SLC36A1: variants seen among roughly 807,000 people sequenced by gnomAD.
SLC36A1 encodes the protein proton-coupled amino acid transporter 1.
In SLC36A1, 30 loss-of-function variants were observed where a neutral mutation model predicts 47.5. The ratio of observed to expected loss-of-function variants is 0.63; its 90% confidence interval spans 0.47 to 0.86. The LOEUF (loss-of-function observed/expected upper bound fraction) is 0.86, where lower values mean the gene tolerates loss of function less well. SLC36A1 is among the 40% of genes least tolerant of loss of function. SLC36A1 has a pLI of 0.00. For missense variants in SLC36A1, 517 were observed against 606.0 expected, an observed-to-expected ratio of 0.85 and a Z score of 1.54; for synonymous variants, 255 against 249.7, an observed-to-expected ratio of 1.02 and a Z score of -0.20.
chr5:151,462,873 T>A (rs1581123869), intron 2 of SLC36A1, among the ~76,000 whole-genome samples: 2 of 151,668 alleles, frequency 1.3e-5, no homozygotes, highest in South Asian at 4.2e-4. Context: ...AGTTTTGGGA[T>A]CTGAGTCTTT....
At chr5:151,439,117 GGAGAGA>G (rs10593815) in intron 1 of SLC36A1, among the ~76,000 whole-genome samples, 3 of 150,236 alleles carry the variant, frequency 2.0e-5, no homozygotes, top group South Asian at 2.1e-4. Context: ...CATGGCAGCA[GGAGAGA>G]GAGAGAGAGA....
At chr5:151,545,093 A>T in the SLC36A1 span, 4 of 1,614,154 alleles carry the variant, frequency 2.5e-6, 1 homozygote, top group Admixed American at 6.7e-5. Flanking sequence ...ACCATATGAA[A>T]CATATCTGTG....
At chr5:151,380,892 C>T in the SLC36A1 span, 10 of 422,394 alleles carry the variant, frequency 2.4e-5, no homozygotes, top group Admixed American at 9.4e-5. Flanking sequence ...GTCCAAGGGA[C>T]GGGGCTGCAC....
chr5:151,537,910 G>A, the SLC36A1 span: 5 of 1,614,146 alleles, frequency 3.1e-6, no homozygotes, highest in South Asian at 1.1e-5. Context: ...AAGTGTCCTG[G>A]AAATACATCT....
the SLC36A1 span, among the ~76,000 whole-genome samples, chr5:151,431,504 C>A: frequency 6.6e-6 from 1 of 152,078 alleles, no homozygotes; most frequent in African/African-American, 2.4e-5. Context: ...TGGTTGTGCC[C>A]CCACCCAAAT....
the SLC36A1 span, among the ~76,000 whole-genome samples, chr5:151,548,362 A>T: frequency 1.3e-5 from 2 of 152,034 alleles, no homozygotes; most frequent in African/African-American, 4.8e-5. Flanking sequence ...TATCATTAAT[A>T]ATTAGTTGGA....
intron 10 of SLC36A1, 70 bp from the exon 11 acceptor site, chr5:151,487,913 C>T (rs1759776971): frequency 1.9e-6 from 3 of 1,555,110 alleles, no homozygotes; most frequent in Non-Finnish European, 2.6e-6. Flanking sequence ...GCTGAATTCG[C>T]TCAACAGTAG....
the SLC36A1 span, among the ~76,000 whole-genome samples, chr5:151,519,405 GT>G: frequency 6.6e-6 from 1 of 152,182 alleles, no homozygotes; most frequent in African/African-American, 2.4e-5. Flanking sequence ...TTCCATTGTA[GT>G]AGGTACTTAT....
chr5:151,382,272 C>T, the SLC36A1 span: 12 of 1,300,684 alleles, frequency 9.2e-6, no homozygotes, highest in African/African-American at 1.5e-5. Flanking sequence ...CTACATAGCA[C>T]ACACAGGCTT....
chr5:151,543,072 T>A, the SLC36A1 span: 1 of 1,614,176 alleles, frequency 6.2e-7, no homozygotes, highest in South Asian at 1.1e-5. Flanking sequence ...GTAAGGATAC[T>A]TTTTTAGGAA....
chr5:151,548,386 C>T, the SLC36A1 span, among the ~76,000 whole-genome samples: 9 of 151,804 alleles, frequency 5.9e-5, no homozygotes, highest in Admixed American at 1.3e-4. Context: ...TGGATATTAT[C>T]GCTTTTGTTA....
the SLC36A1 span, chr5:151,529,291 T>C: frequency 6.2e-7 from 1 of 1,614,090 alleles, no homozygotes; most frequent in Admixed American, 1.7e-5. Context: ...ATGACTGTGG[T>C]CACGTCACTG....
the SLC36A1 span, chr5:151,553,049 G>A: frequency 5.6e-5 from 47 of 844,540 alleles, no homozygotes; most frequent in Middle Eastern, 3.3e-4. Flanking sequence ...TCCCCACTCC[G>A]GGCTGAAAGA....
At chr5:151,423,919 C>T in the SLC36A1 span, among the ~76,000 whole-genome samples, 1 of 152,056 alleles carries the variant, frequency 6.6e-6, no homozygotes, top group Non-Finnish European at 1.5e-5. Flanking sequence ...CTGTACCTTC[C>T]TCTTAATTTT....
At chr5:151,479,006 C>T (rs1180606201) in intron 9 of SLC36A1, among the ~76,000 whole-genome samples, 1 of 152,204 alleles carries the variant, frequency 6.6e-6, no homozygotes, top group Non-Finnish European at 1.5e-5. Flanking sequence ...AGTTCTGCCT[C>T]ATACTTTGTT....
chr5:151,485,234 C>T (rs1312179233), intron 10 of SLC36A1, among the ~76,000 whole-genome samples: 2 of 152,096 alleles, frequency 1.3e-5, no homozygotes, highest in Non-Finnish European at 2.9e-5. Flanking sequence ...TTCTCAAAGC[C>T]TTGAGATCGG....
rs776318482 is a variant in SLC36A1 at position 151,474,178 on chromosome 5, A to AAAAAAAAAGAG, written c.822+408_822+409insAAAAAAAGAGA. Among the ~76,000 whole-genome samples, 20 of 119,002 alleles carry AAAAAAAAAGAG rather than the reference A, an allele frequency of 1.7e-4. 1 individual carries two copies. The highest frequency in any genetic ancestry group is 5.6e-4 in the South Asian group (2 of 3,602). 78.1% of individuals were successfully genotyped at this position (119,002 alleles called of 152,430 possible). ...CTGTCTCAAAAAAAAAAAAAAAAAA[A>AAAAAAAAAGAG]AGAAATTATCTTCTGTAACTCACTG... On this transcript the variant is annotated intron_variant, in intron 8 of 10. Transcript: ENST00000243389.
the SLC36A1 span, chr5:151,553,164 G>C: frequency 6.2e-7 from 1 of 1,613,996 alleles, no homozygotes; most frequent in Non-Finnish European, 8.5e-7. Flanking sequence ...TTGGGCCCTA[G>C]GCCTTGCCTC....
At chr5:151,495,982 T>G (rs536445107), downstream of SLC36A1, among the ~76,000 whole-genome samples, 2 of 152,196 alleles carry the variant, frequency 1.3e-5, no homozygotes, top group Non-Finnish European at 2.9e-5. Context: ...TTTGTACAAG[T>G]GTTCCTGCAT....
Sources: gnomAD v4.1 joint callset for allele counts (sites outside exome capture counted in the v4.1 genomes callset) on GRCh38, gnomAD v4.1.1 for gene constraint, MANE v1.5 for transcripts, NCBI Gene and HGNC (gene_info 2026-07-23, HGNC 2026-07-21) for gene names.